Variants in ST6GALNAC3 observed in about 807,000 individuals in gnomAD.
ST6GALNAC3 encodes the protein ST6 N-acetylgalactosaminide alpha-2,6-sialyltransferase 3, also known as alpha-N-acetylgalactosaminide alpha-2,6-sialyltransferase 3.
Under a neutral mutation model 32.7 loss-of-function variants are expected in ST6GALNAC3, and 25 were observed. The ratio of observed to expected loss-of-function variants is 0.76; its 90% CI spans 0.56 to 1.07. The LOEUF (loss-of-function observed/expected upper bound fraction) is 1.07. Among genes scored for constraint, ST6GALNAC3 ranks in the 50% least tolerant of loss-of-function variants. The pLI is 0.00. For synonymous variants in ST6GALNAC3, 129 were observed against 133.1 expected, an observed-to-expected ratio of 0.97 and a Z score of 0.21; for missense variants, 355 against 382.4, an observed-to-expected ratio of 0.93 and a Z score of 0.60.
chr1:76,168,138 T>C (rs888535748), intron 1 of ST6GALNAC3, among the ~76,000 whole-genome samples: 1 of 152,140 alleles, frequency 6.6e-6, no homozygotes, highest in Non-Finnish European at 1.5e-5. Context: ...ATAAATTTCC[T>C]TCTTAATACT....
At chr1:76,092,260 A>G (rs936672614) in intron 1 of ST6GALNAC3, among the ~76,000 whole-genome samples, 2 of 152,218 alleles carry the variant, frequency 1.3e-5, no homozygotes, top group Non-Finnish European at 2.9e-5. Flanking sequence ...CCTAATACGT[A>G]TTTTTAGAAA....
intron 1 of ST6GALNAC3, among the ~76,000 whole-genome samples, chr1:76,259,349 T>C (rs561227049): frequency 6.6e-6 from 1 of 152,302 alleles, no homozygotes; most frequent in East Asian, 1.9e-4. Flanking sequence ...GGAGATCCAA[T>C]GTTCCATCTA....
At chr1:76,082,082 CT>C (rs1379231700) in intron 1 of ST6GALNAC3, among the ~76,000 whole-genome samples, 2 of 152,220 alleles carry the variant, frequency 1.3e-5, no homozygotes, top group African/African-American at 4.8e-5. Context: ...GCCTATTAAG[CT>C]TTCTAGTAAA....
At chr1:76,577,844 T>C (rs575120085) in intron 3 of ST6GALNAC3, among the ~76,000 whole-genome samples, 1 of 152,024 alleles carries the variant, frequency 6.6e-6, no homozygotes, top group Non-Finnish European at 1.5e-5. Context: ...TTTACCATTT[T>C]CCCTAAATTT....
intron 2 of ST6GALNAC3, among the ~76,000 whole-genome samples, chr1:76,332,644 G>A (rs1452834723): frequency 6.6e-6 from 1 of 152,124 alleles, no homozygotes; most frequent in African/African-American, 2.4e-5. Context: ...GTTAGAGCCT[G>A]TATTTTGAAT....
chr1:76,399,482 T>C (rs536673661), intron 2 of ST6GALNAC3, among the ~76,000 whole-genome samples: 32 of 152,194 alleles, frequency 2.1e-4, no homozygotes, highest in Non-Finnish European at 4.3e-4. Context: ...CTTTATTATG[T>C]TGCATGGGTC....
intron 2 of ST6GALNAC3, among the ~76,000 whole-genome samples, chr1:76,393,054 A>G (rs1395288533): frequency 6.6e-6 from 1 of 152,148 alleles, no homozygotes; most frequent in Non-Finnish European, 1.5e-5. Flanking sequence ...ACCCCTACCA[A>G]TTTTCCAAAA....
chr1:76,201,711 T>C (rs1654528998), intron 1 of ST6GALNAC3, among the ~76,000 whole-genome samples: 1 of 151,924 alleles, frequency 6.6e-6, no homozygotes, highest in African/African-American at 2.4e-5. Flanking sequence ...TATATTAAAA[T>C]ATAAGAGGAA....
intron 2 of ST6GALNAC3, among the ~76,000 whole-genome samples, chr1:76,320,657 G>A (rs1046198569): frequency 1.3e-5 from 2 of 152,044 alleles, no homozygotes; most frequent in African/African-American, 4.8e-5. Flanking sequence ...GATAGAAAAT[G>A]CATTCATTGG....
chr1:76,136,268 G>A (rs1168069908), intron 1 of ST6GALNAC3, among the ~76,000 whole-genome samples: 1 of 152,132 alleles, frequency 6.6e-6, no homozygotes, highest in South Asian at 2.1e-4. Context: ...TATTTCTGTC[G>A]GGAGGCAAAT....
chr1:76,205,040 T>A (rs555468393), intron 1 of ST6GALNAC3, among the ~76,000 whole-genome samples: 2 of 152,334 alleles, frequency 1.3e-5, no homozygotes, highest in African/African-American at 4.8e-5. Flanking sequence ...CGTCATTTGC[T>A]TCCTGAACTG....
At chr1:76,548,541 G>A (rs1664432590) in intron 3 of ST6GALNAC3, among the ~76,000 whole-genome samples, 1 of 152,138 alleles carries the variant, frequency 6.6e-6, no homozygotes, top group Non-Finnish European at 1.5e-5. Context: ...AGGAGTTAAG[G>A]GAGCATAAAG....
chr1:76,343,062 A>C (rs536004018), intron 2 of ST6GALNAC3, among the ~76,000 whole-genome samples: 13 of 152,230 alleles, frequency 8.5e-5, no homozygotes, highest in African/African-American at 3.1e-4. Flanking sequence ...TGCTGTGCAG[A>C]AGCCCGTCCG....
At chr1:76,171,818 A>G (rs1188271733) in intron 1 of ST6GALNAC3, among the ~76,000 whole-genome samples, 1 of 17,126 alleles carries the variant, frequency 5.8e-5, no homozygotes, top group African/African-American at 2.1e-4. Flanking sequence ...AAACAACAAC[A>G]AAAAAAAAAA....
intron 1 of ST6GALNAC3, among the ~76,000 whole-genome samples, chr1:76,271,588 G>A (rs1448302772): frequency 6.6e-6 from 1 of 152,178 alleles, no homozygotes; most frequent in Non-Finnish European, 1.5e-5. Context: ...ATTCTATCTG[G>A]AAAGTCTAGC....
At chr1:76,209,354 A>G (rs1476806095) in intron 1 of ST6GALNAC3, among the ~76,000 whole-genome samples, 1 of 152,178 alleles carries the variant, frequency 6.6e-6, no homozygotes, top group Non-Finnish European at 1.5e-5. Flanking sequence ...ATATCAGAGC[A>G]TCTCATATGG....
chr1:76,624,848 C>G lies in ST6GALNAC3; in HGVS notation c.624-2604C>G, dbSNP rs1260884284. On this transcript the variant is annotated intron_variant, in intron 3 of 4. Coordinates refer to ENST00000328299, the MANE Select transcript of ST6GALNAC3 (RefSeq NM_152996.4). Reference sequence around the variant, plus strand: ...CCCAGCTTATATTTTTATATATACCCCATACATTTAGTGTCATGCCCATCA... The same window carrying G: ...CCCAGCTTATATTTTTATATATACCGCATACATTTAGTGTCATGCCCATCA... Among the ~76,000 whole-genome samples, 5 of 151,840 alleles carry G rather than the reference C, an allele frequency of 3.3e-5. No homozygotes were observed. In the East Asian group the frequency reaches 7.7e-4, roughly 23 times the overall value.
intron 2 of ST6GALNAC3, among the ~76,000 whole-genome samples, chr1:76,325,315 A>G (rs1246523145): frequency 1.3e-5 from 2 of 152,222 alleles, no homozygotes; most frequent in Admixed American, 1.3e-4. Flanking sequence ...TATTCTAGAA[A>G]TAATTCCTGT....
intron 3 of ST6GALNAC3, among the ~76,000 whole-genome samples, chr1:76,496,074 C>T (rs1660830320): frequency 6.6e-6 from 1 of 152,150 alleles, no homozygotes; most frequent in Non-Finnish European, 1.5e-5. Context: ...AGTAGACCAT[C>T]TCTTTAGATC....
Sources: allele counts gnomAD v4.1 joint callset (sites outside exome capture counted in the v4.1 genomes callset), GRCh38; gene constraint gnomAD v4.1.1; transcripts MANE v1.5; gene names NCBI Gene and HGNC (gene_info 2026-07-23, HGNC 2026-07-21).